USH2A: variants seen among roughly 807,000 people sequenced by gnomAD.
USH2A encodes the protein usherin.
Under a neutral mutation model 538.9 loss-of-function variants are expected in USH2A, and 443 were observed. The observed-to-expected ratio is 0.82, with a 90% CI of 0.76 to 0.89. The LOEUF (loss-of-function observed/expected upper bound fraction) is 0.89, where lower values mean the gene tolerates loss of function less well. Ranked by LOEUF, USH2A falls within the 40% of genes least tolerant of loss-of-function variation. The pLI, the probability that USH2A is intolerant of heterozygous loss-of-function variation, is 0.00. For missense variants in USH2A, 6,633 were observed against 6,324.8 expected, an observed-to-expected ratio of 1.05 and a Z score of -1.65; for synonymous variants, 2,413 against 2,273.5, an observed-to-expected ratio of 1.06 and a Z score of -1.75.
intron 4 of USH2A, among the ~76,000 whole-genome samples, chr1:216,337,910 A>G (rs2038003632): frequency 1.3e-5 from 2 of 151,326 alleles, no homozygotes; most frequent in South Asian, 2.1e-4. Flanking sequence ...ACTATTTACA[A>G]TAGCACCAAA....
intron 9 of USH2A, among the ~76,000 whole-genome samples, chr1:216,297,315 GA>G (rs1425243647): frequency 2.6e-5 from 4 of 152,088 alleles, no homozygotes; most frequent in African/African-American, 9.7e-5. Context: ...GAGGATTAAA[GA>G]GGTTAAGTAA....
chr1:215,660,427 T>C (rs1253697820), intron 64 of USH2A, among the ~76,000 whole-genome samples: 3 of 152,142 alleles, frequency 2.0e-5, no homozygotes, highest in Non-Finnish European at 4.4e-5. Context: ...TAGATAGCAA[T>C]TGTGCAACTC....
intron 69 of USH2A, among the ~76,000 whole-genome samples, chr1:215,636,660 C>T (rs1377482798): frequency 6.6e-6 from 1 of 152,138 alleles, no homozygotes; most frequent in Non-Finnish European, 1.5e-5. Flanking sequence ...GGAGGGCAGC[C>T]TGCCCGAGGG....
At chr1:215,999,809 G>A (rs1668224009) in intron 33 of USH2A, among the ~76,000 whole-genome samples, 1 of 152,126 alleles carries the variant, frequency 6.6e-6, no homozygotes, top group Admixed American at 6.6e-5. Flanking sequence ...TTGAATAAAT[G>A]TCAGAATTCA....
At chr1:215,640,472 C>T (rs564338087) in intron 68 of USH2A, 86 bp downstream of exon 68, 1 of 1,566,274 alleles carries the variant, frequency 6.4e-7, no homozygotes, top group East Asian at 2.2e-5. Flanking sequence ...TGGTGAGCAT[C>T]TGCTGGTCAG....
chr1:215,985,102 G>A (rs1209943203), intron 35 of USH2A, among the ~76,000 whole-genome samples: 2 of 152,148 alleles, frequency 1.3e-5, no homozygotes, highest in Admixed American at 1.3e-4. Flanking sequence ...TAAGTGATTC[G>A]CTGAGTTCTA....
At chr1:216,242,299 G>A (rs1002096713) in intron 13 of USH2A, among the ~76,000 whole-genome samples, 2 of 151,176 alleles carry the variant, frequency 1.3e-5, no homozygotes, top group South Asian at 2.1e-4. Flanking sequence ...AGTGAGCCGA[G>A]ACTGCGCCAC....
At chr1:216,126,689 CAATAAT>C (rs969408136) in intron 21 of USH2A, among the ~76,000 whole-genome samples, 1 of 151,480 alleles carries the variant, frequency 6.6e-6, no homozygotes, top group Non-Finnish European at 1.5e-5. Flanking sequence ...CTAATTTTTG[CAATAAT>C]AATAATAATA....
intron 47 of USH2A, among the ~76,000 whole-genome samples, chr1:215,818,164 G>A (rs898778621): frequency 1.3e-5 from 2 of 151,848 alleles, no homozygotes; most frequent in African/African-American, 2.4e-5. Flanking sequence ...TAGGCTATTA[G>A]TAGTTAAATT....
intron 11 of USH2A, among the ~76,000 whole-genome samples, chr1:216,274,755 C>T (rs996115207): frequency 1.3e-5 from 2 of 152,098 alleles, no homozygotes; most frequent in African/African-American, 4.8e-5. Flanking sequence ...CAAAGAAAAG[C>T]TTCTACATTG....
At chr1:216,084,320 T>C (rs1268479090) in intron 25 of USH2A, among the ~76,000 whole-genome samples, 1 of 152,130 alleles carries the variant, frequency 6.6e-6, no homozygotes, top group East Asian at 1.9e-4. Flanking sequence ...ATGAGATAAA[T>C]AGGCATTTGT....
intron 3 of USH2A, among the ~76,000 whole-genome samples, chr1:216,408,867 A>G (rs1018588881): frequency 6.6e-6 from 1 of 152,150 alleles, no homozygotes; most frequent in African/African-American, 2.4e-5. Context: ...TGCTGGACAA[A>G]GGGATGCTTC....
rs1411275301 is a variant in USH2A at position 215,782,725 on chromosome 1, G to T, written c.10585+13C>A. The T allele has an allele frequency of 5.0e-6, 8 of 1,610,978 alleles. No homozygotes were observed. The highest frequency in any genetic ancestry group is 6.8e-6 in the Non-Finnish European group (8 of 1,178,118). The stretch of plus-strand genomic sequence containing the variant: ...GGGATTTTGTTATTTGTATTTTAAA[G>T]GTATCTCAATACCATTTGATTGTAT... On this transcript the variant is annotated intron_variant, in intron 53 of 71. Transcript: ENST00000307340.
chr1:215,967,139 A>G (rs1194341425), intron 36 of USH2A, among the ~76,000 whole-genome samples: 1 of 152,182 alleles, frequency 6.6e-6, no homozygotes. Context: ...CAAATGTGCA[A>G]TAAAACATAC....
chr1:215,874,852 C>T (rs2102447783), intron 43 of USH2A, among the ~76,000 whole-genome samples: 1 of 152,154 alleles, frequency 6.6e-6, no homozygotes, highest in South Asian at 2.1e-4. Context: ...CATAATCCTC[C>T]CAAAGATATT....
intron 12 of USH2A, among the ~76,000 whole-genome samples, chr1:216,250,131 T>C (rs537360819): frequency 1.3e-5 from 2 of 152,318 alleles, no homozygotes; most frequent in South Asian, 2.1e-4. Context: ...ATGAACATAG[T>C]GCATTTTAGG....
rs573458992 is a variant in USH2A, at chr1:215,697,646, C to T, written c.12067-17270G>A. Among the ~76,000 whole-genome samples the T allele has an allele frequency of 6.6e-5, 10 of 152,166 alleles. No homozygotes were observed. The South Asian group carries it at 1.5e-3, about 22-fold the overall frequency. Reference sequence around the variant, plus strand: ...AAGCAATTCTCCTGCCTCAGCCTCCCGAGTATCTGGGATTACAGGCATGTG... The same window carrying T: ...AAGCAATTCTCCTGCCTCAGCCTCCTGAGTATCTGGGATTACAGGCATGTG... On this transcript the variant is annotated intron_variant, in intron 61 of 71. Coordinates refer to ENST00000307340, the MANE Select transcript of USH2A (RefSeq NM_206933.4).
chr1:215,758,810 T>C, intron 57 of USH2A, 58 bp from the exon 58 acceptor site: 1 of 1,566,622 alleles, frequency 6.4e-7, no homozygotes, highest in Non-Finnish European at 8.8e-7. Flanking sequence ...ACTTGAACAA[T>C]GATTACTAGT....
intron 3 of USH2A, among the ~76,000 whole-genome samples, chr1:216,405,513 T>G (rs1452575487): frequency 1.3e-5 from 2 of 152,208 alleles, no homozygotes; most frequent in Non-Finnish European, 2.9e-5. Flanking sequence ...GCTAAAATGT[T>G]ATTTTAAATA....
Sources: allele counts gnomAD v4.1 joint callset (sites outside exome capture counted in the v4.1 genomes callset), GRCh38; gene constraint gnomAD v4.1.1; transcripts MANE v1.5; gene names NCBI Gene and HGNC (gene_info 2026-07-23, HGNC 2026-07-21).